PCDHGB1: variants seen among roughly 807,000 people sequenced by gnomAD.
PCDHGB1 encodes the protein protocadherin gamma-B1.
Under a neutral mutation model 56.6 loss-of-function variants are expected in PCDHGB1, and 34 were observed. That is an observed-to-expected ratio of 0.60 (90% CI 0.46 to 0.80). The LOEUF is 0.80. Among genes scored for constraint, PCDHGB1 ranks in the 30% least tolerant of loss-of-function variants. The pLI, the probability that PCDHGB1 is intolerant of heterozygous loss-of-function variation, is 0.00. For synonymous variants in PCDHGB1, 561 were observed against 505.9 expected, an observed-to-expected ratio of 1.11 and a Z score of -1.46; for missense variants, 1,278 against 1,204.6, an observed-to-expected ratio of 1.06 and a Z score of -0.90.
intron 1 of PCDHGB1, among the ~76,000 whole-genome samples, chr5:141,455,594 G>A (rs1263100982): frequency 6.6e-6 from 1 of 152,112 alleles, no homozygotes; most frequent in Non-Finnish European, 1.5e-5. Context: ...ATATGCAAAC[G>A]TAGGGCGCCA....
intron 1 of PCDHGB1, among the ~76,000 whole-genome samples, chr5:141,456,046 C>T (rs759479772): frequency 1.3e-5 from 2 of 151,904 alleles, no homozygotes; most frequent in Non-Finnish European, 2.9e-5. Context: ...TACAGGCGCC[C>T]ACCACCACGT....
intron 1 of PCDHGB1, chr5:141,398,862 C>T (rs771326288): frequency 1.9e-5 from 31 of 1,613,848 alleles, no homozygotes; most frequent in Non-Finnish European, 2.6e-5. Flanking sequence ...TCAACCGAGA[C>T]GTGTACAGAG....
chr5:141,369,740 G>T (rs1766464180), intron 1 of PCDHGB1, among the ~76,000 whole-genome samples: 1 of 152,190 alleles, frequency 6.6e-6, no homozygotes, highest in Non-Finnish European at 1.5e-5. Flanking sequence ...AAAGGAAATA[G>T]AATGCAATAA....
chr5:141,431,858 G>T lies in PCDHGB1; in HGVS notation c.2410-62949G>T, dbSNP rs1421209596. On this transcript the variant is annotated intron_variant, in intron 1 of 3. Coordinates refer to ENST00000523390, the MANE Select transcript of PCDHGB1 (RefSeq NM_018922.3). This position sits in a 1 kb window ranked among gnomAD's most constrained non-coding sequence, Gnocchi z 4.8. ...AAACTCTCCCAGAGGGACATTAATTGCCCTTTTAAATGTAAATGACCAAGA... is the reference window on the plus strand; with the variant it reads ...AAACTCTCCCAGAGGGACATTAATTTCCCTTTTAAATGTAAATGACCAAGA... 6.8e-6 allele frequency: 11 copies of T among 1,614,080 alleles called. No homozygotes were observed. The highest frequency in any genetic ancestry group is 8.5e-6 in the Non-Finnish European group (10 of 1,180,028).
At chr5:141,383,848 A>G in intron 1 of PCDHGB1, 1 of 1,613,980 alleles carries the variant, frequency 6.2e-7, no homozygotes. Flanking sequence ...CTTCTATGAA[A>G]TGGAGGTTCA....
At position 141,351,050 on chromosome 5, in the gene PCDHGB1, A is replaced by G. The variant is rs1758630679; in HGVS notation, c.790A>G (p.Thr264Ala). 1 of 1,614,080 alleles carries G rather than the reference A, an allele frequency of 6.2e-7. No homozygotes were observed. The highest frequency in any genetic ancestry group is 2.2e-5 in the East Asian group (1 of 44,892). Reference sequence around the variant, plus strand: ...AACCTCCGTGCTGCGGGTGATGGCCACAGACCAGGATGAGGGCATTAATGC... The same window carrying G: ...AACCTCCGTGCTGCGGGTGATGGCCGCAGACCAGGATGAGGGCATTAATGC... ...WGTSVLRVMA[T>A]DQDEGINAEI... Residue 264 changes from threonine (T) to alanine (A), a missense_variant, in exon 1 of 4, where the codon ACA becomes GCA. Transcript: ENST00000523390.
chr5:141,355,846 G>A (rs1176022573), intron 1 of PCDHGB1: 5 of 1,612,248 alleles, frequency 3.1e-6, no homozygotes, highest in Admixed American at 1.7e-5. Flanking sequence ...CACGGCCTTC[G>A]ATGGAGGTGA....
intron 1 of PCDHGB1, among the ~76,000 whole-genome samples, chr5:141,380,091 G>T (rs538586012): frequency 6.6e-6 from 1 of 151,576 alleles, no homozygotes; most frequent in African/African-American, 2.4e-5. Flanking sequence ...GTAGAGATGG[G>T]GTTTTACCAT....
intron 1 of PCDHGB1, chr5:141,423,526 A>G (rs1229909527): frequency 6.2e-7 from 1 of 1,613,690 alleles, no homozygotes; most frequent in Non-Finnish European, 8.5e-7. Flanking sequence ...CTCGCAGAAG[A>G]GTCACCTGAT....
At chr5:141,384,280 A>G (rs1779919886) in intron 1 of PCDHGB1, 2 of 1,613,714 alleles carry the variant, frequency 1.2e-6, no homozygotes, top group Non-Finnish European at 1.7e-6. Context: ...CTCAGTCTAC[A>G]TCGCTGAGAA....
chr5:141,350,672 G>C lies in PCDHGB1; in HGVS notation c.412G>C (p.Glu138Gln). ...PRFVAKGIDL[E>Q]ICESALPGVK... ...TTTCGTTGCAAAAGGCATTGACTTA[G>C]AAATTTGTGAGTCAGCCTTACCCGG... is the stretch of plus-strand genomic sequence containing the variant. The change falls in exon 1 of 4, where the codon GAA becomes CAA. Residue 138 changes from glutamate to glutamine, a missense_variant. Transcript: ENST00000523390. The C allele has an allele frequency of 6.2e-7, 1 of 1,614,014 alleles. No homozygotes were observed. The highest frequency in any genetic ancestry group is 8.5e-7 in the Non-Finnish European group (1 of 1,179,880).
At chr5:141,362,492 C>G (rs369530205) in intron 1 of PCDHGB1, 1 of 1,613,902 alleles carries the variant, frequency 6.2e-7, no homozygotes, top group African/African-American at 1.3e-5. Flanking sequence ...GACAATGCCT[C>G]TTGGGAACAA....
At chr5:141,383,610 C>A (rs372785458) in intron 1 of PCDHGB1, 15 of 1,613,700 alleles carry the variant, frequency 9.3e-6, no homozygotes, top group Non-Finnish European at 1.3e-5. Flanking sequence ...ATGTGAATGA[C>A]CACACGCCTG....
At chr5:141,383,059 C>A (rs1778767353) in intron 1 of PCDHGB1, 1 of 1,613,894 alleles carries the variant, frequency 6.2e-7, no homozygotes, top group Non-Finnish European at 8.5e-7. Flanking sequence ...GGACCTGGGG[C>A]TGGAGCCCCG....
chr5:141,374,976 C>A, intron 1 of PCDHGB1: 1 of 1,614,016 alleles, frequency 6.2e-7, no homozygotes, highest in Non-Finnish European at 8.5e-7. Context: ...AATGTTTTGA[C>A]TGGAGAAATT....
intron 1 of PCDHGB1, chr5:141,375,029 G>T (rs1265395615): frequency 6.2e-7 from 1 of 1,614,032 alleles, no homozygotes; most frequent in Admixed American, 1.7e-5. Context: ...GAGTTTTTAT[G>T]AGCTGGGTGT....
rs745814935 is a variant in PCDHGB1, at chr5:141,357,130, G to T, written c.2409+4461G>T. On this transcript the variant is annotated intron_variant, in intron 1 of 3. Transcript: ENST00000523390. Reference sequence around the variant, plus strand: ...AGACGCGCTCAAGCAGAGGCTTGTAGTGGTCGTCCAGGACCATGGCCAGCC... The same window carrying T: ...AGACGCGCTCAAGCAGAGGCTTGTATTGGTCGTCCAGGACCATGGCCAGCC... 3.7e-6 allele frequency: 6 copies of T among 1,613,472 alleles called. No homozygotes were observed. The Admixed American group carries it at 8.3e-5, about 22-fold the overall frequency.
In PCDHGB1 at chr5:141,457,578, C is replaced by T. The variant is rs538068150; in HGVS notation, c.2410-37229C>T. Among the ~76,000 whole-genome samples, 38 of 152,304 alleles carry T rather than the reference C, an allele frequency of 2.5e-4. No individual in the cohort carries two copies. The South Asian group carries it at 7.7e-3, about 31-fold the overall frequency. ...AGCTTTGGAGCAAAATTTTTCTCTC[C>T]AGTCCTCATTTTTGGTAAAAACTAA... On this transcript the variant is annotated intron_variant, in intron 1 of 3. Coordinates refer to ENST00000523390, the MANE Select transcript of PCDHGB1 (RefSeq NM_018922.3).
At chr5:141,377,587 C>A (rs1272601199) in intron 1 of PCDHGB1, 2 of 147,530 alleles carry the variant, frequency 1.4e-5, no homozygotes, top group African/African-American at 5.1e-5. Flanking sequence ...CAGAATGAGA[C>A]TTTTTCTCTC....
Sources: gnomAD v4.1 joint callset for allele counts (sites outside exome capture counted in the v4.1 genomes callset) on GRCh38, gnomAD v4.1.1 for gene constraint, Gnocchi (gnomAD v3.1) non-coding constraint, MANE v1.5 for transcripts, NCBI Gene and HGNC (gene_info 2026-07-23, HGNC 2026-07-21) for gene names.